SCN9A: variants seen among roughly 807,000 people sequenced by gnomAD.
SCN9A encodes sodium voltage-gated channel alpha subunit 9, also known as sodium channel protein type 9 subunit alpha.
Under a neutral mutation model 187.0 loss-of-function variants are expected in SCN9A, and 131 were observed. The ratio of observed to expected loss-of-function variants is 0.70; its 90% CI spans 0.61 to 0.81. SCN9A has a LOEUF of 0.81. SCN9A is among the 30% of genes least tolerant of loss of function. The pLI is 0.00. For missense variants in SCN9A, 2,252 were observed against 2,396.6 expected (o/e 0.94, Z 1.26); for synonymous variants, 809 against 808.6 (o/e 1.00, Z -0.01).
At chr2:166,239,402 C>A (rs1296640352) in intron 19 of SCN9A, among the ~76,000 whole-genome samples, 1 of 152,128 alleles carries the variant, frequency 6.6e-6, no homozygotes, top group Non-Finnish European at 1.5e-5. Context: ...TGTCTACAGT[C>A]ATGAACTTGT....
chr2:166,242,732 C>G (rs1695624284), intron 18 of SCN9A, 76 bp from the exon 19 acceptor site: 5 of 1,153,306 alleles, frequency 4.3e-6, no homozygotes, highest in Non-Finnish European at 6.1e-6. Context: ...TTAATGCAAA[C>G]TGCTTTCTGT....
At chr2:166,346,396 C>T (rs1211187565) in intron 1 of SCN9A, among the ~76,000 whole-genome samples, 1 of 152,042 alleles carries the variant, frequency 6.6e-6, no homozygotes, top group African/African-American at 2.4e-5. Context: ...GCCTGAATAC[C>T]TTTTATTTAT....
At position 166,199,131 on chromosome 2, in the gene SCN9A, G is replaced by A. The variant is rs747340707; in HGVS notation, c.5508C>T (p.Ile1836=). 4 of 1,614,022 alleles carry A rather than the reference G, an allele frequency of 2.5e-6. No homozygotes were observed. In the South Asian group the frequency reaches 4.4e-5, roughly 18 times the overall value. Residue 1836 remains isoleucine (I), a synonymous_variant, in exon 27 of 27, where the codon ATC becomes ATT. Coordinates refer to ENST00000642356, the MANE Select transcript of SCN9A (RefSeq NM_001365536.1). The part of the protein sequence containing the change: ...MDLPMVSGDR[I]HCLDILFAFT... ...AAGCAAATAAGATGTCAAGACAATG[G>A]ATCCGGTCACCACTAACCATGGGCA...
chr2:166,356,918 A>G lies in SCN9A; in HGVS notation c.-51+18779T>C, dbSNP rs931443272. ...CCAAAGCTACAATAATTATCTTCTC[A>G]TTAGTTTTTTTCTTTTTTTAACCTA... On this transcript the variant is annotated intron_variant, in intron 1 of 26. Coordinates refer to ENST00000642356, the MANE Select transcript of SCN9A (RefSeq NM_001365536.1). 2.0e-5 allele frequency among the ~76,000 whole-genome samples: 3 copies of G among 152,080 alleles called. No individual in the cohort carries two copies. The East Asian group carries it at 5.8e-4, about 29-fold the overall frequency.
intron 9 of SCN9A, among the ~76,000 whole-genome samples, chr2:166,292,729 T>C (rs1305638996): frequency 6.6e-6 from 1 of 152,110 alleles, no homozygotes; most frequent in Non-Finnish European, 1.5e-5. Flanking sequence ...ATCAATGATA[T>C]AAATGGAAGA....
At chr2:166,234,083 C>A (rs1695210511) in intron 20 of SCN9A, among the ~76,000 whole-genome samples, 1 of 151,998 alleles carries the variant, frequency 6.6e-6, no homozygotes, top group Non-Finnish European at 1.5e-5. Context: ...GCTTCACAAT[C>A]AATATAGATA....
At position 166,292,699 on chromosome 2, in the gene SCN9A, T is replaced by G. The variant is rs75089624; in HGVS notation, c.1107+532A>C. On this transcript the variant is annotated intron_variant, in intron 9 of 26. Transcript: ENST00000642356. ...AGTTAGAGGAAATAGCCACATGAAT[T>G]ACCACTTGCAATACAAGAGATCAAT... 2.4e-4 allele frequency among the ~76,000 whole-genome samples: 37 copies of G among 152,186 alleles called. No homozygotes were observed. In the East Asian group the frequency reaches 4.3e-3, roughly 17 times the overall value.
intron 1 of SCN9A, among the ~76,000 whole-genome samples, chr2:166,336,382 T>G (rs990010898): frequency 6.6e-6 from 1 of 152,136 alleles, no homozygotes; most frequent in Non-Finnish European, 1.5e-5. Flanking sequence ...ACAAAATCAT[T>G]ACATACATTT....
intron 1 of SCN9A, among the ~76,000 whole-genome samples, chr2:166,323,448 A>G (rs1321821446): frequency 2.0e-5 from 3 of 152,178 alleles, no homozygotes; most frequent in South Asian, 2.1e-4. Flanking sequence ...CATAGGGAAA[A>G]TCTATAGGAT....
intron 1 of SCN9A, among the ~76,000 whole-genome samples, chr2:166,367,631 A>AAGATTTGGGGAAGG (rs1700451138): frequency 6.6e-6 from 1 of 152,038 alleles, no homozygotes; most frequent in Non-Finnish European, 1.5e-5. Context: ...AATCTTTTCT[A>AAGATTTGGGGAAGG]CCTTGGGGAA....
chr2:166,329,231 A>G lies in SCN9A; in HGVS notation c.-50-17425T>C, dbSNP rs113660887. ...TTTCTTTATTAAACTACAAAAGATT[A>G]AAGTAAAAAAATGCCTAAATATTAT... On this transcript the variant is annotated intron_variant, in intron 1 of 26. Coordinates refer to ENST00000642356, the MANE Select transcript of SCN9A (RefSeq NM_001365536.1). Among the ~76,000 whole-genome samples the G allele has an allele frequency of 7.5e-3, 1,146 of 152,290 alleles. 18 individuals carry two copies. Among genetic ancestry groups the G allele is most frequent in the African/African-American group, 0.025 (1,044 of 41,572 alleles).
intron 17 of SCN9A, among the ~76,000 whole-genome samples, chr2:166,269,718 C>T (rs1691291599): frequency 6.6e-6 from 1 of 152,030 alleles, no homozygotes; most frequent in African/African-American, 2.4e-5. Flanking sequence ...ATTTTGTCAG[C>T]AGCTAAGGAG....
chr2:166,230,860 T>C (rs7557805), intron 21 of SCN9A, among the ~76,000 whole-genome samples: 126,792 of 152,032 alleles, frequency 0.83, 53,202 homozygotes, highest in East Asian at 0.95. Context: ...CATGGGTCTC[T>C]GAGAAAGACA....
rs13401294 is a variant in SCN9A at position 166,337,486 on chromosome 2, G to A, written c.-50-25680C>T. On this transcript the variant is annotated intron_variant, in intron 1 of 26. Coordinates refer to ENST00000642356, the MANE Select transcript of SCN9A (RefSeq NM_001365536.1). ...TAAAGAGTATTTTGACATTGCCCAG[G>A]AATATTCCTAGTCCCAAGAGGCTAA... Among the ~76,000 whole-genome samples, 1,277 of 152,160 alleles carry A rather than the reference G, an allele frequency of 8.4e-3. 10 individuals carry two copies. The highest frequency in any genetic ancestry group is 0.014 in the Non-Finnish European group (925 of 67,994).
intron 24 of SCN9A, among the ~76,000 whole-genome samples, chr2:166,221,394 C>G (rs1435181830): frequency 1.3e-5 from 2 of 152,114 alleles, no homozygotes; most frequent in Admixed American, 1.3e-4. Flanking sequence ...CACATTTTCT[C>G]ATTTCTTATT....
chr2:166,236,407 T>C (rs967756961), intron 20 of SCN9A, among the ~76,000 whole-genome samples: 2 of 151,782 alleles, frequency 1.3e-5, no homozygotes, highest in African/African-American at 4.9e-5. Flanking sequence ...TGTTGTGTGA[T>C]TAAGAAAACG....
rs200671761 is a variant in SCN9A, at chr2:166,284,589, G to A, written c.1838C>T (p.Pro613Leu). Residue 613 changes from proline to leucine, a missense_variant, in exon 12 of 27, where the codon CCG becomes CTG. Pro to Leu is a moderately conservative substitution (Grantham distance 98). This residue lies in a region of SCN9A where 1,013 missense variants were observed against 997.4 expected (regional missense o/e 1.02). Transcript: ENST00000642356. ...AGCACTGTGCATTTTCCCGTTCACC[G>A]GCAGCATTGGTGGGGACCTACTGGC... is the stretch of plus-strand genomic sequence containing the variant. ...SQASRSPPML[P>L]VNGKMHSAVD... 3.2e-4 allele frequency: 514 copies of A among 1,614,054 alleles called. 4 individuals are homozygous for A. In the South Asian group the frequency reaches 5.1e-3, roughly 16 times the overall value.
chr2:166,205,300 G>A (rs1317136634), intron 24 of SCN9A: 1 of 152,210 alleles, frequency 6.6e-6, no homozygotes, highest in African/African-American at 2.4e-5. Context: ...CATGGTACTG[G>A]TACCAAAACA....
Position 166,199,172 on chromosome 2 carries a change from G to A in SCN9A, c.5467C>T (p.Leu1823Phe), listed in dbSNP as rs752580340. The change falls in exon 27 of 27, where the codon CTC becomes TTC. Residue 1823 changes from leucine to phenylalanine, a missense_variant. Physicochemically the swap from Leu to Phe is conservative, Grantham distance 22 (BLOSUM62 0). Around this residue, in one of 7 missense-constraint regions of SCN9A, gnomAD observed 345 missense variants for 344.6 expected, o/e 1.00. Transcript: ENST00000642356. Reference protein sequence around the residue: ...LLIAKPNKVQLIAMDLPMVSG... With the variant: ...LLIAKPNKVQFIAMDLPMVSG... ...ACCATGGGCAGATCCATGGCAATGA[G>A]CTGGACTTTGTTGGGTTTTGCTATG... The A allele has an allele frequency of 1.2e-6, 2 of 1,614,176 alleles. No homozygotes were observed. Among genetic ancestry groups the A allele is most frequent in the Admixed American group, 3.3e-5 (2 of 60,006 alleles).
Sources: allele counts gnomAD v4.1 joint callset (sites outside exome capture counted in the v4.1 genomes callset), GRCh38; gene constraint gnomAD v4.1.1; regional missense constraint gnomAD v4.1.1; transcripts MANE v1.5; gene names NCBI Gene and HGNC (gene_info 2026-07-23, HGNC 2026-07-21).